Variants in LARP1B observed in about 807,000 individuals in gnomAD.
LARP1B encodes la-related protein 1B.
Under a neutral mutation model 114.2 loss-of-function variants are expected in LARP1B, and 76 were observed. The observed-to-expected ratio is 0.67, with a 90% CI of 0.55 to 0.81. LARP1B has a LOEUF of 0.81. LARP1B is among the 30% of genes least tolerant of loss of function. LARP1B has a pLI of 0.00. For missense variants in LARP1B, 1,014 were observed against 1,075.8 expected (o/e 0.94, Z 0.80); for synonymous variants, 345 against 348.0 (o/e 0.99, Z 0.10).
chr4:128,203,574 A>G (rs1268428213), intron 17 of LARP1B, among the ~76,000 whole-genome samples: 2 of 152,194 alleles, frequency 1.3e-5, no homozygotes, highest in African/African-American at 4.8e-5. Flanking sequence ...GGGTTTTACC[A>G]TATTGGCCAG....
At chr4:128,181,905 A>G (rs753993460) in intron 15 of LARP1B, among the ~76,000 whole-genome samples, 1 of 145,602 alleles carries the variant, frequency 6.9e-6, no homozygotes, top group Non-Finnish European at 1.5e-5. Flanking sequence ...TCCTGGGTTC[A>G]CGCCATTCTC....
Position 128,069,222 on chromosome 4 carries a change from T to C in LARP1B, c.-77-5238T>C, listed in dbSNP as rs1347349954. On this transcript the variant is annotated intron_variant, in intron 1 of 19. Transcript: ENST00000326639. ...TCTTCTGATAGCTTTATGGAATGGA[T>C]CAATGAGGATAACCTCAAAAAACTT... 11 of 1,068,458 alleles carry C rather than the reference T, an allele frequency of 1.0e-5. No individual in the cohort carries two copies. The African/African-American group carries it at 1.7e-4, about 16-fold the overall frequency. The allele number at this position is 1,068,458 out of a possible 1,614,324, so 66.2% of individuals were successfully genotyped here.
chr4:128,098,768 T>TATATA (rs58280279), intron 8 of LARP1B, among the ~76,000 whole-genome samples: 198 of 18,778 alleles, frequency 0.011, 6 homozygotes, highest in African/African-American at 0.027. Flanking sequence ...TATATATATA[T>TATATA]TTTTTTTTTT....
chr4:128,190,251 T>C (rs1751794585), intron 15 of LARP1B, among the ~76,000 whole-genome samples: 1 of 152,218 alleles, frequency 6.6e-6, no homozygotes, highest in Non-Finnish European at 1.5e-5. Flanking sequence ...GCACTTTGAA[T>C]GTGTCACTTA....
At chr4:128,133,408 T>G (rs958752253) in intron 11 of LARP1B, among the ~76,000 whole-genome samples, 1 of 152,340 alleles carries the variant, frequency 6.6e-6, no homozygotes, top group African/African-American at 2.4e-5. Flanking sequence ...TGACTTAATA[T>G]TATTAACATG....
Position 128,142,539 on chromosome 4 carries a change from G to T in LARP1B, c.1525-19655G>T, listed in dbSNP as rs1475681995. Among the ~76,000 whole-genome samples the T allele has an allele frequency of 2.1e-5, 3 of 145,554 alleles. 1 individual carries two copies. The Admixed American group carries it at 2.1e-4, about 10-fold the overall frequency. On this transcript the variant is annotated intron_variant, in intron 11 of 19. Coordinates refer to ENST00000326639, the MANE Select transcript of LARP1B (RefSeq NM_018078.4). ...TTTTTTTTTTTTGAGATGGAGTTTC[G>T]CTCTTGTTGCCCAGGCTGGAGTTCA...
chr4:128,139,880 C>CTGTT (rs386401448), intron 11 of LARP1B, among the ~76,000 whole-genome samples: 3 of 150,858 alleles, frequency 2.0e-5, no homozygotes, highest in Non-Finnish European at 3.0e-5. Context: ...GAACCTCAAT[C>CTGTT]TGTGGGAATA....
chr4:128,202,996 G>A (rs1173358991), intron 17 of LARP1B, among the ~76,000 whole-genome samples: 4 of 152,132 alleles, frequency 2.6e-5, no homozygotes, highest in African/African-American at 2.4e-5. Context: ...CCAGGAGTTC[G>A]AGACTAGCCT....
At chr4:128,092,276 G>A (rs1776188843) in intron 7 of LARP1B, among the ~76,000 whole-genome samples, 1 of 151,882 alleles carries the variant, frequency 6.6e-6, no homozygotes, top group African/African-American at 2.4e-5. Context: ...GAATTCTTAA[G>A]TTTTTTTTAT....
At chr4:128,068,400 A>C (rs1306625475) in intron 1 of LARP1B, among the ~76,000 whole-genome samples, 1 of 151,580 alleles carries the variant, frequency 6.6e-6, no homozygotes, top group East Asian at 1.9e-4. Context: ...AGCTCACTGC[A>C]GCCTAGAACT....
chr4:128,184,706 T>G (rs1208170764), intron 15 of LARP1B, among the ~76,000 whole-genome samples: 1 of 152,220 alleles, frequency 6.6e-6, no homozygotes, highest in Non-Finnish European at 1.5e-5. Context: ...ACTGTATTTT[T>G]GTACCTGTTA....
intron 11 of LARP1B, chr4:128,155,784 C>T (rs1735307835): frequency 1.3e-6 from 2 of 1,596,740 alleles, no homozygotes; most frequent in South Asian, 1.1e-5. Flanking sequence ...TGACTGACTT[C>T]CTGCAGGCGG....
At chr4:128,166,956 CTCTCTCTCTCTCTCTATA>C (rs1442062486) in intron 12 of LARP1B, among the ~76,000 whole-genome samples, 31 of 114,638 alleles carry the variant, frequency 2.7e-4, no homozygotes, top group Middle Eastern at 4.1e-3. Flanking sequence ...CTCTCTCTCT[CTCTCTCTCTCTCTCTATA>C]TATATATATA....
chr4:128,121,069 A>G (rs1787803421), intron 10 of LARP1B, among the ~76,000 whole-genome samples: 1 of 151,976 alleles, frequency 6.6e-6, no homozygotes, highest in East Asian at 1.9e-4. Context: ...TCAGCGTCCC[A>G]AAGTGCTGGG....
At chr4:128,095,054 A>C (rs765266881) in intron 7 of LARP1B, among the ~76,000 whole-genome samples, 15 of 152,130 alleles carry the variant, frequency 9.9e-5, no homozygotes, top group Admixed American at 3.3e-4. Context: ...CCCTGCATGA[A>C]ATTTTAGAAT....
intron 15 of LARP1B, among the ~76,000 whole-genome samples, chr4:128,192,302 G>T (rs1752546690): frequency 6.6e-6 from 1 of 152,052 alleles, no homozygotes; most frequent in Non-Finnish European, 1.5e-5. Flanking sequence ...TTTTGTGGTG[G>T]TCTAGAATTG....
intron 1 of LARP1B, among the ~76,000 whole-genome samples, chr4:128,070,874 C>T (rs921996774): frequency 6.6e-6 from 1 of 151,372 alleles, no homozygotes; most frequent in African/African-American, 2.4e-5. Flanking sequence ...TGTTGATTAT[C>T]TTGATTTTTT....
chr4:128,091,961 A>G (rs1176640900), intron 7 of LARP1B, among the ~76,000 whole-genome samples: 2 of 152,150 alleles, frequency 1.3e-5, no homozygotes, highest in African/African-American at 4.8e-5. Context: ...TATTTTGATT[A>G]TATATTTTTA....
intron 3 of LARP1B, among the ~76,000 whole-genome samples, chr4:128,077,349 GAGTT>G (rs1047079661): frequency 5.3e-5 from 8 of 150,984 alleles, no homozygotes; most frequent in African/African-American, 2.0e-4. Context: ...AAAAAAAAAA[GAGTT>G]AGCCAGGTGT....
Sources: allele counts gnomAD v4.1 joint callset (sites outside exome capture counted in the v4.1 genomes callset), GRCh38; gene constraint gnomAD v4.1.1; transcripts MANE v1.5; gene names NCBI Gene and HGNC (gene_info 2026-07-23, HGNC 2026-07-21).